Variants in NTAN1 observed in about 807,000 individuals in gnomAD.
NTAN1 encodes N-terminal asparagine amidase.
In NTAN1, 32 loss-of-function variants were observed where a neutral mutation model predicts 41.9. The observed-to-expected ratio is 0.76, with a 90% confidence interval of 0.58 to 1.03. NTAN1 has a LOEUF of 1.03. Among genes scored for constraint, NTAN1 ranks in the 50% least tolerant of loss-of-function variants. NTAN1 has a pLI of 0.00. For missense variants in NTAN1, 377 were observed against 377.5 expected, an observed-to-expected ratio of 1.00 and a Z score of 0.01; for synonymous variants, 140 against 139.5, an observed-to-expected ratio of 1.00 and a Z score of -0.03.
At position 15,044,385 on chromosome 16, in the gene NTAN1, C is replaced by T; in HGVS notation, c.382G>A (p.Gly128Ser). Reference sequence around the variant, plus strand: ...GACAACTGCCTGTCGTCACTGAAGCCTCCAACAAGGTGTACTTCCAGCCTG... The same window carrying T: ...GACAACTGCCTGTCGTCACTGAAGCTTCCAACAAGGTGTACTTCCAGCCTG... ...CGRLEVHLVG[G>S]FSDDRQLSQK... The change falls in exon 5 of 10, where the codon GGC (glycine) becomes AGC (serine). Residue 128 changes from glycine (G) to serine (S), a missense_variant. By Grantham distance (56) the Gly-to-Ser change is moderately conservative. Transcript: ENST00000287706. The T allele has an allele frequency of 1.2e-6, 2 of 1,613,402 alleles. No individual in the cohort carries two copies. The highest frequency in any genetic ancestry group is 1.1e-5 in the South Asian group (1 of 91,068).
chr16:15,048,688 A>G (rs2044177300), intron 1 of NTAN1, among the ~76,000 whole-genome samples: 1 of 152,080 alleles, frequency 6.6e-6, no homozygotes, highest in Non-Finnish European at 1.5e-5. Flanking sequence ...TAGTGGTACA[A>G]TTTCAACTCA....
chr16:15,048,188 C>T (rs956707610), intron 1 of NTAN1, 89 bp from the exon 2 acceptor site: 31 of 849,050 alleles, frequency 3.7e-5, no homozygotes, highest in Non-Finnish European at 5.5e-5. Context: ...GTGGGCTCTG[C>T]GTGGGCAGCA....
chr16:15,044,289 A>G, intron 5 of NTAN1, 45 bp downstream of exon 5: 1 of 1,344,588 alleles, frequency 7.4e-7, no homozygotes. Flanking sequence ...ATATGGGTAC[A>G]TATTTATGTC....
rs753147743 is a variant in NTAN1, at chr16:15,044,373, C to T, written c.394G>A (p.Asp132Asn). 3.3e-5 allele frequency: 53 copies of T among 1,613,410 alleles called. 1 individual carries two copies. In the East Asian group the frequency reaches 7.1e-4, roughly 22 times the overall value. Residue 132 changes from aspartate to asparagine, a missense_variant, in exon 5 of 10, where the codon GAC becomes AAC. Coordinates refer to ENST00000287706, the MANE Select transcript of NTAN1 (RefSeq NM_173474.4). ...EVHLVGGFSD[D>N]RQLSQKLTHQ... Reference sequence around the variant, plus strand: ...GTGAGTTTTTGTGACAACTGCCTGTCGTCACTGAAGCCTCCAACAAGGTGT... The same window carrying T: ...GTGAGTTTTTGTGACAACTGCCTGTTGTCACTGAAGCCTCCAACAAGGTGT...
intron 5 of NTAN1, among the ~76,000 whole-genome samples, chr16:15,043,955 G>C (rs868681954): frequency 2.1e-4 from 31 of 149,428 alleles, no homozygotes; most frequent in African/African-American, 7.4e-4. Flanking sequence ...CTCAAAAAAA[G>C]AAAAAAAAAG....
intron 5 of NTAN1, among the ~76,000 whole-genome samples, chr16:15,043,985 A>G (rs1338612520): frequency 2.0e-5 from 3 of 152,168 alleles, no homozygotes; most frequent in African/African-American, 7.2e-5. Flanking sequence ...GCTAATAGGG[A>G]AAAAATGGTA....
intron 5 of NTAN1, 110 bp from the exon 6 acceptor site, chr16:15,041,786 C>T (rs1567757163): frequency 7.6e-6 from 6 of 788,812 alleles, no homozygotes; most frequent in Admixed American, 7.1e-5. Context: ...GAGTGTGCTC[C>T]GCCCTACAGC....
At position 15,056,019 on chromosome 16, in the gene NTAN1, C is replaced by G. The variant is rs1358242311; in HGVS notation, c.-48G>C. On this transcript the variant is annotated 5_prime_UTR_variant, in exon 1 of 10. Coordinates refer to ENST00000287706, the MANE Select transcript of NTAN1 (RefSeq NM_173474.4). Reference sequence around the variant, plus strand: ...GGCCCAGGGAGGCGGCGGCCCCCCGCTTTGCAGCCCCGGGCCGCCCGCCGC... The same window carrying G: ...GGCCCAGGGAGGCGGCGGCCCCCCGGTTTGCAGCCCCGGGCCGCCCGCCGC... 23 of 1,009,978 alleles carry G rather than the reference C, an allele frequency of 2.3e-5. No homozygotes were observed. The East Asian group carries it at 4.6e-4, about 20-fold the overall frequency. 62.6% of individuals were successfully genotyped at this position (1,009,978 alleles called of 1,614,324 possible).
At chr16:15,038,742 C>A in intron 8 of NTAN1, 55 bp from the exon 9 acceptor site, 1 of 948,016 alleles carries the variant, frequency 1.1e-6, no homozygotes, top group Non-Finnish European at 1.7e-6. Context: ...ACTTTTCAAA[C>A]CCTCCCAGTA....
At chr16:15,052,579 A>G (rs922626160) in intron 1 of NTAN1, among the ~76,000 whole-genome samples, 1 of 152,230 alleles carries the variant, frequency 6.6e-6, no homozygotes, top group Non-Finnish European at 1.5e-5. Flanking sequence ...TCACGCCTGT[A>G]ATCCCAGCAC....
At position 15,052,390 on chromosome 16, in the gene NTAN1, T is replaced by G. The variant is rs555763260; in HGVS notation, c.81+3501A>C. ...CAGGGTCCGGCCCATGAGCTGTGGC[T>G]TGTTGACCTGTGTCTTAGCCAATCA... On this transcript the variant is annotated intron_variant, in intron 1 of 9. Transcript: ENST00000287706. Among the ~76,000 whole-genome samples the G allele has an allele frequency of 3.9e-5, 6 of 152,302 alleles. No homozygotes were observed. In the South Asian group the frequency reaches 1.2e-3, roughly 32 times the overall value.
intron 1 of NTAN1, among the ~76,000 whole-genome samples, chr16:15,048,959 A>G (rs944961132): frequency 4.8e-5 from 7 of 146,624 alleles, no homozygotes; most frequent in African/African-American, 1.8e-4. Context: ...AGGCCTCCCT[A>G]TGCTGCCCAG....
intron 5 of NTAN1, among the ~76,000 whole-genome samples, chr16:15,043,087 A>C (rs1189852054): frequency 6.6e-6 from 1 of 151,978 alleles, no homozygotes; most frequent in Non-Finnish European, 1.5e-5. Flanking sequence ...TTTAGTAGAG[A>C]CGGGGTTTCT....
rs989005201 is a variant in NTAN1, at chr16:15,040,519, G to A, written c.542-453C>T. 6.9e-5 allele frequency: 12 copies of A among 173,782 alleles called. No individual in the cohort carries two copies. In the South Asian group the frequency reaches 1.3e-3, roughly 19 times the overall value. 10.8% of individuals were successfully genotyped at this position (173,782 alleles called of 1,614,324 possible). A position where few individuals can be genotyped will look rare whatever the true frequency, so the allele number is the denominator to read the frequency against. ...CCAGCTAAATCAATCAAGTATCACC[G>A]CTACAGCAGAAGCCCTCGGAAATAG... On this transcript the variant is annotated intron_variant, in intron 7 of 9. Coordinates refer to ENST00000287706, the MANE Select transcript of NTAN1 (RefSeq NM_173474.4).
In NTAN1 at chr16:15,038,560, C is replaced by G. The variant is rs773679892; in HGVS notation, c.753+14G>C. 1 of 1,387,654 alleles carries G rather than the reference C, an allele frequency of 7.2e-7. No homozygotes were observed. The highest frequency in any genetic ancestry group is 1.0e-6 in the Non-Finnish European group (1 of 977,764). 86.0% of individuals were successfully genotyped at this position (1,387,654 alleles called of 1,614,324 possible). The stretch of plus-strand genomic sequence containing the variant: ...TGCAGAGATTTAAGACTTACCCAGC[C>G]TGTAAACTCTCACCTCTAGTATTTG... On this transcript the variant is annotated intron_variant, in intron 9 of 9. Coordinates refer to ENST00000287706, the MANE Select transcript of NTAN1 (RefSeq NM_173474.4).
rs2044123265 is a variant in NTAN1 at position 15,047,502 on chromosome 16, G to T, written c.299C>A (p.Ala100Asp). The change falls in exon 4 of 10, where the codon GCT becomes GAT. Residue 100 changes from alanine (A) to aspartate (D), a missense_variant. Physicochemically the swap from Ala to Asp is moderately radical, Grantham distance 126 (BLOSUM62 -2). Coordinates refer to ENST00000287706, the MANE Select transcript of NTAN1 (RefSeq NM_173474.4). ...LTHCDGTDTK[A>D]EVPLIMNSIK... Reference sequence around the variant, plus strand: ...GGAGTTCATGATCAAGGGGACCTCAGCTTTGGTGTCGGTTCCGTCACAATG... The same window carrying T: ...GGAGTTCATGATCAAGGGGACCTCATCTTTGGTGTCGGTTCCGTCACAATG... 6.2e-7 allele frequency: 1 copy of T among 1,613,998 alleles called. No individual in the cohort carries two copies. The highest frequency in any genetic ancestry group is 8.5e-7 in the Non-Finnish European group (1 of 1,179,958).
chr16:15,038,378 C>A, intron 9 of NTAN1, 168 bp from the exon 10 acceptor site: 1 of 624,096 alleles, frequency 1.6e-6, no homozygotes, highest in South Asian at 2.1e-5. Context: ...TACTGCTTTA[C>A]CCACACACAT....
rs985255411 is a variant in NTAN1, at chr16:15,040,069, G to A, written c.542-3C>T. On this transcript the variant is annotated splice_polypyrimidine_tract_variant and splice_region_variant and intron_variant, in intron 7 of 9. Coordinates refer to ENST00000287706, the MANE Select transcript of NTAN1 (RefSeq NM_173474.4). ...CTCTGCAGTCTTAATGTTGACAGCTGTGAGGGACAACAGGATGACTCTGAA... is the reference window on the plus strand; with the variant it reads ...CTCTGCAGTCTTAATGTTGACAGCTATGAGGGACAACAGGATGACTCTGAA... 7.1e-6 allele frequency: 11 copies of A among 1,556,530 alleles called. No homozygotes were observed. Among genetic ancestry groups the A allele is most frequent in the South Asian group, 2.2e-5 (2 of 89,190 alleles).
Position 15,055,950 on chromosome 16 carries a change from G to A in NTAN1, c.22C>T (p.Arg8Trp), listed in dbSNP as rs2044496277. ...GCTGACTGCGGCAGCCGCACTCGCCGCCCCTCGACGAGCAGCGGCATCGCG... is the reference window on the plus strand; with the variant it reads ...GCTGACTGCGGCAGCCGCACTCGCCACCCCTCGACGAGCAGCGGCATCGCG... MPLLVEG[R>W]RVRLPQSAGD... The change falls in exon 1 of 10, where the codon CGG becomes TGG. Residue 8 changes from arginine to tryptophan, a missense_variant. Physicochemically the swap from Arg to Trp is moderately radical, Grantham distance 101. Transcript: ENST00000287706. 3 of 1,230,132 alleles carry A rather than the reference G, an allele frequency of 2.4e-6. No homozygotes were observed. Among genetic ancestry groups the A allele is most frequent in the Non-Finnish European group, 3.0e-6 (3 of 985,976 alleles). The allele number at this position is 1,230,132 out of a possible 1,614,324, so 76.2% of individuals were successfully genotyped here. A position where few individuals can be genotyped will look rare whatever the true frequency, so the allele number is the denominator to read the frequency against.
Sources: allele counts gnomAD v4.1 joint callset (sites outside exome capture counted in the v4.1 genomes callset), GRCh38; gene constraint gnomAD v4.1.1; transcripts MANE v1.5; gene names NCBI Gene and HGNC (gene_info 2026-07-23, HGNC 2026-07-21).